MDGA2: variants seen among roughly 807,000 people sequenced by gnomAD.
The protein encoded by MDGA2 is MAM domain containing glycosylphosphatidylinositol anchor 2.
In MDGA2, 40 loss-of-function variants were observed where a neutral mutation model predicts 117.8. The ratio of observed to expected loss-of-function variants is 0.34; its 90% CI spans 0.26 to 0.44. The LOEUF (loss-of-function observed/expected upper bound fraction) is 0.44. Ranked by LOEUF, MDGA2 falls within the 20% of genes least tolerant of loss-of-function variation. The pLI, the probability that MDGA2 is intolerant of heterozygous loss-of-function variation, is 1.00. For synonymous variants in MDGA2, 452 were observed against 439.0 expected (o/e 1.03, Z -0.37); for missense variants, 1,123 against 1,250.6 (o/e 0.90, Z 1.54).
intron 1 of MDGA2, among the ~76,000 whole-genome samples, chr14:47,418,913 G>A (rs551825882): frequency 6.6e-6 from 1 of 152,240 alleles, no homozygotes; most frequent in East Asian, 1.9e-4. Context: ...AGTACTCTAT[G>A]AATTCTGGTG....
intron 1 of MDGA2, among the ~76,000 whole-genome samples, chr14:47,430,468 T>C (rs1053352181): frequency 1.3e-5 from 2 of 152,090 alleles, no homozygotes; most frequent in East Asian, 1.9e-4. Context: ...TCATACTTCA[T>C]TGAAGAAAGT....
intron 1 of MDGA2, among the ~76,000 whole-genome samples, chr14:47,398,599 A>G (rs1208360266): frequency 6.6e-6 from 1 of 152,150 alleles, no homozygotes; most frequent in Non-Finnish European, 1.5e-5. Flanking sequence ...AAAATCAAGG[A>G]TGAGAGAATG....
chr14:47,324,704 GTTGAT>G (rs1890090022), intron 1 of MDGA2, among the ~76,000 whole-genome samples: 5 of 152,150 alleles, frequency 3.3e-5, no homozygotes, highest in Admixed American at 3.3e-4. Context: ...TCTAGTATCA[GTTGAT>G]TTATCTTTTA....
intron 1 of MDGA2, among the ~76,000 whole-genome samples, chr14:47,432,315 T>C (rs914332859): frequency 1.3e-5 from 2 of 152,124 alleles, no homozygotes; most frequent in African/African-American, 4.8e-5. Context: ...ATCTCACACT[T>C]ATATGTGGGG....
intron 6 of MDGA2, among the ~76,000 whole-genome samples, chr14:47,076,317 A>G (rs575018595): frequency 2.2e-3 from 330 of 152,208 alleles, no homozygotes; most frequent in Non-Finnish European, 3.4e-3. Flanking sequence ...AAAATATAAA[A>G]TGTGGAGCCA....
intron 1 of MDGA2, among the ~76,000 whole-genome samples, chr14:47,572,626 T>C (rs978103873): frequency 1.9e-4 from 29 of 152,124 alleles, no homozygotes; most frequent in African/African-American, 6.3e-4. Context: ...AATCCTAAAA[T>C]AGGCAGCATG....
At chr14:47,663,735 C>A (rs1897892158) in intron 1 of MDGA2, among the ~76,000 whole-genome samples, 1 of 151,964 alleles carries the variant, frequency 6.6e-6, no homozygotes, top group Admixed American at 6.6e-5. Flanking sequence ...GTGTGATGAC[C>A]CCATTTAATG....
intron 1 of MDGA2, among the ~76,000 whole-genome samples, chr14:47,398,689 A>G (rs1478560663): frequency 6.6e-6 from 1 of 152,142 alleles, no homozygotes; most frequent in Non-Finnish European, 1.5e-5. Flanking sequence ...GCTGTATTTC[A>G]TGCAATTTAA....
chr14:47,401,358 CTTAAGA>C (rs1438400953), intron 1 of MDGA2, among the ~76,000 whole-genome samples: 3 of 151,976 alleles, frequency 2.0e-5, no homozygotes, highest in African/African-American at 7.3e-5. Context: ...CTTAGAATGC[CTTAAGA>C]TTAAGATTCC....
At position 47,279,481 on chromosome 14, in the gene MDGA2, G is replaced by A. The variant is rs180992321; in HGVS notation, c.420+21930C>T. Among the ~76,000 whole-genome samples the A allele has an allele frequency of 9.2e-5, 14 of 152,026 alleles. No individual in the cohort carries two copies. In the East Asian group the frequency reaches 9.7e-4, roughly 10 times the overall value. ...TATCTCTTTTTCTTGGATATAAGCT[G>A]TAAATATTTTATATATTCTTTTCCA... On this transcript the variant is annotated intron_variant, in intron 2 of 16. Coordinates refer to ENST00000399232, the MANE Select transcript of MDGA2 (RefSeq NM_001113498.3).
intron 8 of MDGA2, among the ~76,000 whole-genome samples, chr14:47,033,949 T>C (rs568339210): frequency 5.9e-5 from 9 of 152,310 alleles, no homozygotes; most frequent in East Asian, 1.9e-4. Context: ...AATATAAAAA[T>C]AGACATTCTT....
At chr14:47,045,751 G>A (rs1889236096) in intron 7 of MDGA2, among the ~76,000 whole-genome samples, 1 of 152,108 alleles carries the variant, frequency 6.6e-6, no homozygotes, top group South Asian at 2.1e-4. Flanking sequence ...GATCACCTGA[G>A]GTCAGGAGTT....
At chr14:47,176,498 A>G (rs565694052) in intron 3 of MDGA2, among the ~76,000 whole-genome samples, 1 of 152,186 alleles carries the variant, frequency 6.6e-6, no homozygotes. Flanking sequence ...ATAACACTGC[A>G]TATCTACAAC....
intron 1 of MDGA2, among the ~76,000 whole-genome samples, chr14:47,602,145 G>C (rs769922702): frequency 3.9e-5 from 6 of 152,106 alleles, no homozygotes; most frequent in African/African-American, 4.8e-5. Context: ...TTTAAAGTAA[G>C]TGACACATAT....
intron 8 of MDGA2, among the ~76,000 whole-genome samples, chr14:47,029,149 C>T (rs747400394): frequency 6.6e-6 from 1 of 151,982 alleles, no homozygotes; most frequent in Non-Finnish European, 1.5e-5. Flanking sequence ...TTTTATTTTG[C>T]TTTGTCAGGT....
chr14:47,411,069 T>C (rs1892362559), intron 1 of MDGA2, among the ~76,000 whole-genome samples: 1 of 152,140 alleles, frequency 6.6e-6, no homozygotes, highest in African/African-American at 2.4e-5. Flanking sequence ...CTGTTTCCTA[T>C]AGACAGGTAC....
At chr14:46,955,474 A>G (rs1487679308) in intron 9 of MDGA2, among the ~76,000 whole-genome samples, 1 of 152,124 alleles carries the variant, frequency 6.6e-6, no homozygotes, top group Admixed American at 6.6e-5. Context: ...TAACATGGAT[A>G]ATATACTACA....
intron 1 of MDGA2, among the ~76,000 whole-genome samples, chr14:47,656,797 C>A (rs1016096787): frequency 1.3e-5 from 2 of 152,116 alleles, no homozygotes; most frequent in Non-Finnish European, 2.9e-5. Flanking sequence ...TTCTACAAGT[C>A]CTCCATCAAA....
At chr14:47,592,642 T>A (rs918937515) in intron 1 of MDGA2, among the ~76,000 whole-genome samples, 4 of 152,168 alleles carry the variant, frequency 2.6e-5, no homozygotes, top group Admixed American at 2.6e-4. Context: ...GGGAAAGGAT[T>A]CCCTATTTAA....
Sources: allele counts gnomAD v4.1 joint callset (sites outside exome capture counted in the v4.1 genomes callset), GRCh38; gene constraint gnomAD v4.1.1; transcripts MANE v1.5; gene names NCBI Gene and HGNC (gene_info 2026-07-23, HGNC 2026-07-21).